SLC22A8: variants seen among roughly 807,000 people sequenced by gnomAD.
The protein encoded by SLC22A8 is solute carrier family 22 member 8, also known as organic anion transporter 3.
A neutral mutation model predicts 48.4 loss-of-function variants in SLC22A8; 40 were observed. That is an observed-to-expected ratio of 0.83 (90% CI 0.64 to 1.08). The LOEUF (loss-of-function observed/expected upper bound fraction) is 1.08, where lower values mean the gene tolerates loss of function less well. Among genes scored for constraint, SLC22A8 ranks in the 50% least tolerant of loss-of-function variants. The probability of loss-of-function intolerance (pLI) is 0.00; values close to 1 mark genes in which losing one functional copy is unlikely to be tolerated. For synonymous variants in SLC22A8, 268 were observed against 286.3 expected (o/e 0.94, Z 0.65); for missense variants, 606 against 699.0 (o/e 0.87, Z 1.50).
Position 63,014,738 on chromosome 11 carries a change from A to G in SLC22A8, c.221T>C (p.Leu74Pro). ...MGPNGKPERCLRFVHPPNASL... is the reference protein window; with the variant it reads ...MGPNGKPERCPRFVHPPNASL... ...GGCATTGGGCGGATGTACAAAACGG[A>G]GGCACCTCTCAGGCTTCCCATTTGG... The change falls in exon 2 of 11, where the codon CTC becomes CCC. Residue 74 changes from leucine to proline, a missense_variant. Leu to Pro is a moderately conservative substitution (Grantham distance 98). Coordinates refer to ENST00000336232, the MANE Select transcript of SLC22A8 (RefSeq NM_004254.4). 2 of 1,614,088 alleles carry G rather than the reference A, an allele frequency of 1.2e-6. No homozygotes were observed. Among genetic ancestry groups the G allele is most frequent in the Non-Finnish European group, 8.5e-7 (1 of 1,179,970 alleles).
rs187434309 is a variant in SLC22A8, at chr11:63,015,045, G to A, written c.-25-62C>T. The A allele has an allele frequency of 9.4e-4, 1,091 of 1,156,628 alleles. 3 individuals are homozygous for A. The highest frequency in any genetic ancestry group is 1.2e-3 in the Non-Finnish European group (1,002 of 818,920). The allele number at this position is 1,156,628 out of a possible 1,614,324, so 71.6% of individuals were successfully genotyped here. ...GTGCCTGGTAGTGCGTGGGTCTATGGAACGATATGTGGGAGGGTGAACCAG... is the reference window on the plus strand; with the variant it reads ...GTGCCTGGTAGTGCGTGGGTCTATGAAACGATATGTGGGAGGGTGAACCAG... On this transcript the variant is annotated intron_variant, in intron 1 of 10. Transcript: ENST00000336232.
At chr11:63,002,357 T>C (rs1008244230) in intron 2 of SLC22A8, among the ~76,000 whole-genome samples, 1 of 152,246 alleles carries the variant, frequency 6.6e-6, no homozygotes, top group African/African-American at 2.4e-5. Context: ...CTTCATTTAC[T>C]TGACATTTTT....
chr11:62,993,835 T>A lies in SLC22A8; in HGVS notation c.1260A>T (p.Gly420=), dbSNP rs1190622321. ...GGCAGCTGAAGGAGCTGGATAGGCA[T>A]CCCTTCCCAAACACAGCCAATACTG... ...VRTVLAVFGK[G]CLSSSFSCLF... Residue 420 remains glycine, a synonymous_variant, in exon 9 of 11, where the codon GGA becomes GGT. Coordinates refer to ENST00000336232, the MANE Select transcript of SLC22A8 (RefSeq NM_004254.4). 1 of 1,613,904 alleles carries A rather than the reference T, an allele frequency of 6.2e-7. No homozygotes were observed. The highest frequency in any genetic ancestry group is 1.3e-5 in the African/African-American group (1 of 75,008).
chr11:63,010,434 C>T (rs950114278), intron 2 of SLC22A8, among the ~76,000 whole-genome samples: 4 of 152,210 alleles, frequency 2.6e-5, no homozygotes, highest in Admixed American at 6.5e-5. Flanking sequence ...GTGTCAGAGA[C>T]CTACTTCTAG....
chr11:62,997,923 C>T (rs533716761), intron 5 of SLC22A8, among the ~76,000 whole-genome samples: 35 of 152,248 alleles, frequency 2.3e-4, no homozygotes, highest in Non-Finnish European at 3.8e-4. Context: ...TTTTCCTGAG[C>T]GCCTGTGGGA....
intron 2 of SLC22A8, among the ~76,000 whole-genome samples, chr11:63,006,595 GTTTTTTTT>G (rs58058368): frequency 2.2e-3 from 114 of 51,422 alleles, no homozygotes; most frequent in African/African-American, 7.2e-3. Context: ...TCTCATTTGA[GTTTTTTTT>G]TTTTTTTTTT....
chr11:63,014,576 G>A (rs759065206), intron 2 of SLC22A8, 50 bp downstream of exon 2: 17 of 1,479,352 alleles, frequency 1.1e-5, no homozygotes, highest in Admixed American at 7.4e-5. Flanking sequence ...AGCGGTGCAG[G>A]GTATGGGGGT....
At chr11:62,995,458 T>G in intron 7 of SLC22A8, 2 of 539,714 alleles carry the variant, frequency 3.7e-6, no homozygotes, top group East Asian at 3.1e-5. Context: ...GCCTGGAACA[T>G]TTGTCCTGTG....
intron 5 of SLC22A8, among the ~76,000 whole-genome samples, chr11:62,997,071 C>T (rs543896057): frequency 2.0e-5 from 3 of 152,194 alleles, no homozygotes; most frequent in Non-Finnish European, 2.9e-5. Flanking sequence ...TGACTTCCTC[C>T]CAAAACCATG....
chr11:63,010,724 G>T (rs1441869089), intron 2 of SLC22A8, among the ~76,000 whole-genome samples: 1 of 152,164 alleles, frequency 6.6e-6, no homozygotes, highest in African/African-American at 2.4e-5. Flanking sequence ...GTGCCCTGAG[G>T]CCTGGTGACC....
At chr11:63,001,601 CCTT>C (rs1202231366) in intron 2 of SLC22A8, among the ~76,000 whole-genome samples, 4 of 152,356 alleles carry the variant, frequency 2.6e-5, no homozygotes. Context: ...CTCCTCGTCT[CCTT>C]CACAGCTCGT....
At chr11:62,993,936 A>C (rs2086377072) in intron 8 of SLC22A8, 58 bp from the exon 9 acceptor site, 4 of 1,031,722 alleles carry the variant, frequency 3.9e-6, no homozygotes, top group Admixed American at 3.5e-5. Flanking sequence ...AAGAGTTCTC[A>C]CTCCTTAGCT....
chr11:63,004,995 C>T lies in SLC22A8; in HGVS notation c.334-4172G>A, dbSNP rs999845612. On this transcript the variant is annotated intron_variant, in intron 2 of 10. Transcript: ENST00000336232. ...TATGTGCTGAGGATATAACCACACG[C>T]CAGTGAGCAGGAGAGAAGTGTTTTT... 4.6e-5 allele frequency among the ~76,000 whole-genome samples: 7 copies of T among 152,268 alleles called. 1 individual carries two copies. In the Middle Eastern group the frequency reaches 0.01, roughly 222 times the overall value.
At chr11:63,013,438 C>A (rs2086640865) in intron 2 of SLC22A8, among the ~76,000 whole-genome samples, 1 of 152,166 alleles carries the variant, frequency 6.6e-6, no homozygotes, top group African/African-American at 2.4e-5. Flanking sequence ...GCAACGAACG[C>A]ATCTCTTCTC....
chr11:63,000,376 C>A (rs567784141), intron 3 of SLC22A8, among the ~76,000 whole-genome samples: 1 of 151,258 alleles, frequency 6.6e-6, no homozygotes, highest in Non-Finnish European at 1.5e-5. Flanking sequence ...CCCAGCTACT[C>A]GGGTGGCTGA....
chr11:63,000,348 G>A (rs2086477598), intron 3 of SLC22A8, among the ~76,000 whole-genome samples: 2 of 152,182 alleles, frequency 1.3e-5, no homozygotes, highest in South Asian at 4.1e-4. Context: ...GCCAGGCGTG[G>A]TGACACACGC....
Position 62,993,090 on chromosome 11 carries a change from C to A in SLC22A8, c.*147G>T. On this transcript the variant is annotated 3_prime_UTR_variant, in exon 11 of 11. Coordinates refer to ENST00000336232, the MANE Select transcript of SLC22A8 (RefSeq NM_004254.4). ...GAACTGGCCAGGGCTGGGCAGGAGG[C>A]TCTGGTGGTGGTGATGGAGACACCT... 3.2e-6 allele frequency: 2 copies of A among 630,812 alleles called. No homozygotes were observed. Among genetic ancestry groups the A allele is most frequent in the Non-Finnish European group, 5.6e-6 (2 of 359,288 alleles). The allele number at this position is 630,812 out of a possible 1,614,324, so 39.1% of individuals were successfully genotyped here.
At chr11:63,003,472 G>A (rs1301697252) in intron 2 of SLC22A8, among the ~76,000 whole-genome samples, 2 of 152,068 alleles carry the variant, frequency 1.3e-5, no homozygotes, top group Non-Finnish European at 2.9e-5. Context: ...AGATGGAGGA[G>A]GGACAAAGGT....
rs1254027020 is a variant in SLC22A8, at chr11:62,993,309, C to T, written c.1557G>A (p.Gln519=). The T allele has an allele frequency of 2.5e-6, 4 of 1,613,928 alleles. No individual in the cohort carries two copies. Among genetic ancestry groups the T allele is most frequent in the Non-Finnish European group, 2.5e-6 (3 of 1,179,946 alleles). Reference sequence around the variant, plus strand: ...GGGAGGCCTTTTCCACCTCTGGCTCCTGCTTTGGCTTCTTTGCCCGCAGGG... The same window carrying T: ...GGGAGGCCTTTTCCACCTCTGGCTCTTGCTTTGGCTTCTTTGCCCGCAGGG... The part of the protein sequence containing the change: ...NWSLRAKKPK[Q]EPEVEKASQR... Residue 519 remains glutamine, a synonymous_variant, in exon 11 of 11, where the codon CAG becomes CAA. Coordinates refer to ENST00000336232, the MANE Select transcript of SLC22A8 (RefSeq NM_004254.4).
Sources: allele counts gnomAD v4.1 joint callset (sites outside exome capture counted in the v4.1 genomes callset), GRCh38; gene constraint gnomAD v4.1.1; transcripts MANE v1.5; gene names NCBI Gene and HGNC (gene_info 2026-07-23, HGNC 2026-07-21).